Variants in CTDSPL2 observed in about 807,000 individuals in gnomAD.
CTDSPL2 encodes CTD small phosphatase-like protein 2.
In CTDSPL2, 5 loss-of-function variants were observed where a neutral mutation model predicts 60.0. The ratio of observed to expected loss-of-function variants is 0.08; its 90% confidence interval spans 0.04 to 0.18. The LOEUF (loss-of-function observed/expected upper bound fraction) is 0.18, where lower values mean the gene tolerates loss of function less well. CTDSPL2 is among the 10% of genes least tolerant of loss of function. The probability of loss-of-function intolerance (pLI) is 1.00; values close to 1 mark genes in which losing one functional copy is unlikely to be tolerated. For missense variants in CTDSPL2, 370 were observed against 548.8 expected, an observed-to-expected ratio of 0.67 and a Z score of 3.26; for synonymous variants, 186 against 189.3, an observed-to-expected ratio of 0.98 and a Z score of 0.14.
chr15:44,444,390 G>A (rs2080158968), intron 1 of CTDSPL2, among the ~76,000 whole-genome samples: 1 of 151,148 alleles, frequency 6.6e-6, no homozygotes, highest in South Asian at 2.1e-4. Context: ...TGTCACCCAG[G>A]TTGGAGTGCA....
intron 1 of CTDSPL2, among the ~76,000 whole-genome samples, chr15:44,445,988 C>T (rs376945001): frequency 5.5e-5 from 8 of 146,440 alleles, no homozygotes; most frequent in African/African-American, 1.5e-4. Flanking sequence ...TGCAGTGGCG[C>T]GATCTAGGCT....
chr15:44,512,495 T>A (rs1335236840), intron 8 of CTDSPL2, among the ~76,000 whole-genome samples: 2 of 152,188 alleles, frequency 1.3e-5, no homozygotes, highest in Non-Finnish European at 2.9e-5. Flanking sequence ...GATGGGTTGT[T>A]CTTAACCATC....
At chr15:44,431,716 G>GTTTT (rs886785067) in intron 1 of CTDSPL2, among the ~76,000 whole-genome samples, 56 of 133,604 alleles carry the variant, frequency 4.2e-4, no homozygotes, top group Non-Finnish European at 5.8e-4. Context: ...TTGTTTGTTT[G>GTTTT]TTTTTTTTTT....
At position 44,488,804 on chromosome 15, in the gene CTDSPL2, A is replaced by G. The variant is rs577976572; in HGVS notation, c.476-1980A>G. Among the ~76,000 whole-genome samples, 84 of 152,278 alleles carry G rather than the reference A, an allele frequency of 5.5e-4. 1 individual carries two copies. Among genetic ancestry groups the G allele is most frequent in the African/African-American group, 1.9e-3 (79 of 41,560 alleles). ...ATTGCACTCCAGCCTGGGCAACAAGAGTGAAACTCCATCTCAAAAAACAAA... is the reference window on the plus strand; with the variant it reads ...ATTGCACTCCAGCCTGGGCAACAAGGGTGAAACTCCATCTCAAAAAACAAA... On this transcript the variant is annotated intron_variant, in intron 4 of 12. Transcript: ENST00000260327.
intron 1 of CTDSPL2, among the ~76,000 whole-genome samples, chr15:44,450,383 A>T (rs2080309778): frequency 6.6e-6 from 1 of 152,142 alleles, no homozygotes; most frequent in Non-Finnish European, 1.5e-5. Flanking sequence ...ACCAAATGTT[A>T]ACAATCTTTG....
intron 2 of CTDSPL2, among the ~76,000 whole-genome samples, chr15:44,479,287 G>T (rs1384590097): frequency 6.6e-6 from 1 of 151,452 alleles, no homozygotes; most frequent in African/African-American, 2.4e-5. Flanking sequence ...TTACTCTCTT[G>T]GGCCCCTTGT....
rs2140843196 is a variant in CTDSPL2, at chr15:44,505,273, A to T, written c.969+5460A>T. 2.0e-5 allele frequency among the ~76,000 whole-genome samples: 3 copies of T among 152,148 alleles called. No individual in the cohort carries two copies. The East Asian group carries it at 5.8e-4, about 29-fold the overall frequency. On this transcript the variant is annotated intron_variant, in intron 8 of 12. Coordinates refer to ENST00000260327, the MANE Select transcript of CTDSPL2 (RefSeq NM_016396.3). The stretch of plus-strand genomic sequence containing the variant: ...GTAGTGAGACCTTGTCTCCACAAAA[A>T]ATGCAAAAATAGGTGGCACACACCT...
chr15:44,448,174 T>C (rs2080257860), intron 1 of CTDSPL2: 1 of 262,446 alleles, frequency 3.8e-6, no homozygotes, highest in South Asian at 3.8e-5. Context: ...TTGGTCCACA[T>C]GGTCAATGGG....
chr15:44,483,207 G>C (rs1023856590), intron 2 of CTDSPL2, among the ~76,000 whole-genome samples: 4 of 148,226 alleles, frequency 2.7e-5, no homozygotes, highest in Non-Finnish European at 5.9e-5. Flanking sequence ...AGGTTGCTGT[G>C]AGGCATGATC....
At chr15:44,499,386 G>A (rs111840511) in intron 7 of CTDSPL2, among the ~76,000 whole-genome samples, 3 of 152,082 alleles carry the variant, frequency 2.0e-5, no homozygotes, top group African/African-American at 7.2e-5. Flanking sequence ...GCCTGAGAGC[G>A]AGACTCTGTC....
At chr15:44,510,763 T>A (rs1595774180) in intron 8 of CTDSPL2, among the ~76,000 whole-genome samples, 2 of 152,314 alleles carry the variant, frequency 1.3e-5, no homozygotes, top group African/African-American at 4.8e-5. Context: ...TTTTGAAGCA[T>A]TTGGAGGCAT....
At chr15:44,448,391 C>T (rs916557789) in intron 1 of CTDSPL2, 3 of 244,002 alleles carry the variant, frequency 1.2e-5, no homozygotes, top group Admixed American at 4.7e-5. Flanking sequence ...ATCTTGGAAC[C>T]CACACGATCC....
intron 2 of CTDSPL2, among the ~76,000 whole-genome samples, chr15:44,472,775 T>C (rs1411176777): frequency 6.6e-6 from 1 of 152,220 alleles, no homozygotes; most frequent in Non-Finnish European, 1.5e-5. Context: ...GCAATTCCCC[T>C]GCCTCAGCCC....
chr15:44,453,288 CTTTTTA>C (rs2080366780), intron 1 of CTDSPL2, among the ~76,000 whole-genome samples: 1 of 151,864 alleles, frequency 6.6e-6, no homozygotes, highest in African/African-American at 2.4e-5. Context: ...TCATAAATAC[CTTTTTA>C]TTATGTTGAG....
At chr15:44,448,212 C>G in intron 1 of CTDSPL2, 1 of 289,584 alleles carries the variant, frequency 3.5e-6, no homozygotes, top group Non-Finnish European at 7.0e-6. Context: ...GGCTGAAGCC[C>G]ATGCCGGCAC....
chr15:44,525,234 A>AT lies in CTDSPL2; in HGVS notation c.*1061dup. 2.5e-6 allele frequency: 1 copy of AT among 395,338 alleles called. No homozygotes were observed. The highest frequency in any genetic ancestry group is 4.5e-6 in the Non-Finnish European group (1 of 223,964). 24.5% of individuals were successfully genotyped at this position (395,338 alleles called of 1,614,324 possible). A position where few individuals can be genotyped will look rare whatever the true frequency, so the allele number is the denominator to read the frequency against. On this transcript the variant is annotated 3_prime_UTR_variant, in exon 13 of 13. Coordinates refer to ENST00000260327, the MANE Select transcript of CTDSPL2 (RefSeq NM_016396.3). Reference sequence around the variant, plus strand: ...TCAGTTACAATCAATTTAAAACTGTATAACAGTCTTGGTACCTAACAGTAG... The same window carrying AT: ...TCAGTTACAATCAATTTAAAACTGTATTAACAGTCTTGGTACCTAACAGTAG...
chr15:44,495,240 G>T lies in CTDSPL2; in HGVS notation c.692-1140G>T, dbSNP rs2081278796. On this transcript the variant is annotated intron_variant, in intron 5 of 12. Coordinates refer to ENST00000260327, the MANE Select transcript of CTDSPL2 (RefSeq NM_016396.3). ...CTGCCTTGGCCTCCCAAAGTGCTGGGATTACAGGCGCCCGCCACCACTCCT... is the reference window on the plus strand; with the variant it reads ...CTGCCTTGGCCTCCCAAAGTGCTGGTATTACAGGCGCCCGCCACCACTCCT... Among the ~76,000 whole-genome samples the T allele has an allele frequency of 2.6e-5, 4 of 152,196 alleles. No homozygotes were observed. In the South Asian group the frequency reaches 8.3e-4, roughly 32 times the overall value.
In CTDSPL2 at chr15:44,528,686, TGAATGAGACCA is replaced by T. The variant is rs2081905331; in HGVS notation, c.*4513_*4523del. 2.0e-5 allele frequency: 3 copies of T among 152,272 alleles called. No homozygotes were observed. In the South Asian group the frequency reaches 6.2e-4, roughly 32 times the overall value. The allele number at this position is 152,272 out of a possible 1,614,324, so 9.4% of individuals were successfully genotyped here. A position where few individuals can be genotyped will look rare whatever the true frequency, so the allele number is the denominator to read the frequency against. ...TATACATAGCTAAAGGACATGTCCC[TGAATGAGACCA>T]TTATATATATTATCTGTAAAATATT... is the stretch of plus-strand genomic sequence containing the variant. On this transcript the variant is annotated 3_prime_UTR_variant, in exon 13 of 13. Coordinates refer to ENST00000260327, the MANE Select transcript of CTDSPL2 (RefSeq NM_016396.3).
intron 2 of CTDSPL2, among the ~76,000 whole-genome samples, chr15:44,467,283 A>G (rs1172784663): frequency 3.3e-5 from 5 of 152,220 alleles, no homozygotes; most frequent in Middle Eastern, 3.4e-3. Context: ...AGTTTTGCTT[A>G]CCCTTTGTCA....
Sources: allele counts gnomAD v4.1 joint callset (sites outside exome capture counted in the v4.1 genomes callset), GRCh38; gene constraint gnomAD v4.1.1; transcripts MANE v1.5; gene names NCBI Gene and HGNC (gene_info 2026-07-23, HGNC 2026-07-21).